Variants in MAP3K2 observed in about 807,000 individuals in gnomAD.
MAP3K2 encodes the protein MAP/ERK kinase kinase 2.
MAP3K2 carries 24 observed loss-of-function variants against 80.3 expected under a neutral mutation model. That is an observed-to-expected ratio of 0.30 (90% CI 0.22 to 0.42). The LOEUF is 0.42. Ranked by LOEUF, MAP3K2 falls within the 10% of genes least tolerant of loss-of-function variation. The probability of loss-of-function intolerance (pLI) is 1.00; values close to 1 mark genes in which losing one functional copy is unlikely to be tolerated. For synonymous variants in MAP3K2, 244 were observed against 253.7 expected (o/e 0.96, Z 0.36); for missense variants, 608 against 750.1 (o/e 0.81, Z 2.21).
intron 1 of MAP3K2, among the ~76,000 whole-genome samples, chr2:127,357,187 C>T (rs1686811218): frequency 1.3e-5 from 2 of 152,124 alleles, no homozygotes; most frequent in Admixed American, 1.3e-4. Context: ...ATGCCATGTT[C>T]GGACCAGAAG....
intron 16 of MAP3K2, 42 bp downstream of exon 16, chr2:127,308,541 TAG>T (rs1685752164): frequency 1.3e-6 from 2 of 1,492,388 alleles, no homozygotes; most frequent in Non-Finnish European, 1.8e-6. Context: ...TGGAAATACA[TAG>T]GCGGCAGGTG....
At position 127,378,825 on chromosome 2, in the gene MAP3K2, G is replaced by A. The variant is rs186160443; in HGVS notation, c.-66+8627C>T. Among the ~76,000 whole-genome samples the A allele has an allele frequency of 1.7e-3, 262 of 152,082 alleles. 1 individual carries two copies. The highest frequency in any genetic ancestry group is 4.2e-3 in the Admixed American group (64 of 15,256). On this transcript the variant is annotated intron_variant, in intron 1 of 16. Transcript: ENST00000682094. ...TCTGTTACCCAGACCGGAAAGCAGC[G>A]GCATGATCACTCCTCACTGTAGCCT...
upstream of MAP3K2, chr2:127,388,195 C>CCCCT (rs1558995238): frequency 8.2e-4 from 807 of 984,390 alleles, 1 homozygote; most frequent in Middle Eastern, 1.0e-3. Flanking sequence ...GCCCCGCCCC[C>CCCCT]GCCCCTGCCC....
chr2:127,378,150 A>T (rs1687181178), intron 1 of MAP3K2: 1 of 984,170 alleles, frequency 1.0e-6, no homozygotes, highest in East Asian at 1.1e-4. Flanking sequence ...GAAAATGGAG[A>T]TCTAAAAAAC....
intron 8 of MAP3K2, 28 bp from the exon 9 acceptor site, chr2:127,325,835 T>A: frequency 6.6e-7 from 1 of 1,504,332 alleles, no homozygotes. Flanking sequence ...TCCACCATGA[T>A]TCAATTTGAT....
chr2:127,325,701 C>A, intron 9 of MAP3K2, 27 bp downstream of exon 9: 1 of 1,556,334 alleles, frequency 6.4e-7, no homozygotes, highest in Admixed American at 1.7e-5. Flanking sequence ...AACAAATAAA[C>A]CCTCCAAAAA....
chr2:127,321,752 T>C lies in MAP3K2; in HGVS notation c.1045+294A>G, dbSNP rs946430875. Among the ~76,000 whole-genome samples the C allele has an allele frequency of 5.9e-5, 9 of 152,254 alleles. No homozygotes were observed. Among genetic ancestry groups the C allele is most frequent in the African/African-American group, 1.2e-4 (5 of 41,470 alleles). On this transcript the variant is annotated intron_variant, in intron 12 of 16. Coordinates refer to ENST00000682094, the MANE Select transcript of MAP3K2 (RefSeq NM_001371910.2). The surrounding 1 kb of genome is among the most constrained non-coding windows in gnomAD (Gnocchi z 4.4). ...CCATTAGATTATGTCTTGGAGATTA[T>C]GTTTGAAATCTCAGTGGTAGGCATT... is the stretch of plus-strand genomic sequence containing the variant.
intron 1 of MAP3K2, among the ~76,000 whole-genome samples, chr2:127,356,019 TTA>T (rs1377559002): frequency 6.6e-6 from 1 of 152,146 alleles, no homozygotes; most frequent in Non-Finnish European, 1.5e-5. Context: ...CATCCAAGTT[TTA>T]TGAGATTGCA....
chr2:127,342,397 G>GTA (rs1357232642), intron 2 of MAP3K2, among the ~76,000 whole-genome samples: 1 of 84,988 alleles, frequency 1.2e-5, no homozygotes, highest in Non-Finnish European at 2.8e-5. Flanking sequence ...GGGTGTGTGT[G>GTA]TGTGTGTGTG....
chr2:127,376,746 C>T (rs1485952304), intron 1 of MAP3K2, among the ~76,000 whole-genome samples: 1 of 152,118 alleles, frequency 6.6e-6, no homozygotes. Context: ...ACAGCCTACT[C>T]AGAATAATAG....
In MAP3K2 at chr2:127,335,097, G is replaced by A. The variant is rs542913504; in HGVS notation, c.264+773C>T. ...TTATGCATTTCTTTCAAAGAACTTC[G>A]TATATTCAAACAACTCATTTATTAA... On this transcript the variant is annotated intron_variant, in intron 5 of 16. Transcript: ENST00000682094. Among the ~76,000 whole-genome samples the A allele has an allele frequency of 2.0e-5, 3 of 152,104 alleles. No individual in the cohort carries two copies. In the East Asian group the frequency reaches 5.8e-4, roughly 29 times the overall value.
At chr2:127,308,906 G>A in intron 15 of MAP3K2, 144 bp from the exon 16 acceptor site, 2 of 793,922 alleles carry the variant, frequency 2.5e-6, no homozygotes, top group Non-Finnish European at 3.9e-6. Flanking sequence ...GCAGTAGCTG[G>A]CATAATGCTA....
chr2:127,363,999 A>G (rs1035899079), intron 1 of MAP3K2, among the ~76,000 whole-genome samples: 2 of 152,216 alleles, frequency 1.3e-5, no homozygotes, highest in African/African-American at 4.8e-5. Flanking sequence ...ACAGCACCTA[A>G]CAGTACTTTG....
chr2:127,386,741 GTATC>G lies in MAP3K2; in HGVS notation c.-66+707_-66+710del, dbSNP rs1275793295. 3.9e-5 allele frequency among the ~76,000 whole-genome samples: 6 copies of G among 152,142 alleles called. No homozygotes were observed. In the South Asian group the frequency reaches 6.2e-4, roughly 16 times the overall value. On this transcript the variant is annotated intron_variant, in intron 1 of 16. Transcript: ENST00000682094. ...AGCTTACGTTAGGGAAAACTAAACT[GTATC>G]TGTCTATGTGTTTAGAATTTATCCC...
At chr2:127,324,302 T>C in intron 9 of MAP3K2, 61 bp from the exon 10 acceptor site, 3 of 1,000,382 alleles carry the variant, frequency 3.0e-6, no homozygotes, top group Non-Finnish European at 4.4e-6. Context: ...AAAAAGAAAA[T>C]CTTTGAGCAA....
rs769651944 is a variant in MAP3K2, at chr2:127,304,908, T to C, written c.*2671A>G. 3 of 152,580 alleles carry C rather than the reference T, an allele frequency of 2.0e-5. No homozygotes were observed. The highest frequency in any genetic ancestry group is 2.9e-5 in the Non-Finnish European group (2 of 68,000). The allele number at this position is 152,580 out of a possible 1,614,324, so 9.5% of individuals were successfully genotyped here. On this transcript the variant is annotated 3_prime_UTR_variant, in exon 17 of 17. Coordinates refer to ENST00000682094, the MANE Select transcript of MAP3K2 (RefSeq NM_001371910.2). ...TAAATTCACATCGTATTTTATATAATAACTCTGTAAACTATTAGTCTATTT... is the reference window on the plus strand; with the variant it reads ...TAAATTCACATCGTATTTTATATAACAACTCTGTAAACTATTAGTCTATTT...
chr2:127,377,979 G>T (rs1687178717), intron 1 of MAP3K2: 1 of 162,622 alleles, frequency 6.1e-6, no homozygotes. Context: ...GAGAGACCTT[G>T]TCTCAAAACA....
intron 7 of MAP3K2, among the ~76,000 whole-genome samples, chr2:127,328,146 G>A (rs1008752619): frequency 1.3e-4 from 20 of 152,146 alleles, no homozygotes; most frequent in African/African-American, 4.8e-4. Flanking sequence ...ATGGTGGCGG[G>A]CGCCTGTAAT....
intron 13 of MAP3K2, 101 bp downstream of exon 13, chr2:127,318,068 A>G: frequency 1.0e-6 from 1 of 994,478 alleles, no homozygotes; most frequent in Non-Finnish European, 1.4e-6. Context: ...TTTTTGAAAA[A>G]AAATGCTTCT....
Sources: gnomAD v4.1 joint callset for allele counts (sites outside exome capture counted in the v4.1 genomes callset) on GRCh38, gnomAD v4.1.1 for gene constraint, Gnocchi (gnomAD v3.1) non-coding constraint, MANE v1.5 for transcripts, NCBI Gene and HGNC (gene_info 2026-07-23, HGNC 2026-07-21) for gene names.